PPFIBP1: variants seen among roughly 807,000 people sequenced by gnomAD.
PPFIBP1 encodes PPFIB scaffold protein 1.
In PPFIBP1, 112 loss-of-function variants were observed where a neutral mutation model predicts 137.8. The observed-to-expected ratio is 0.81, with a 90% CI of 0.70 to 0.95. The LOEUF is 0.95. PPFIBP1 is among the 40% of genes least tolerant of loss of function. The probability of loss-of-function intolerance (pLI) is 0.00; values close to 1 mark genes in which losing one functional copy is unlikely to be tolerated. For synonymous variants in PPFIBP1, 378 were observed against 417.3 expected, an observed-to-expected ratio of 0.91 and a Z score of 1.15; for missense variants, 1,083 against 1,196.6, an observed-to-expected ratio of 0.91 and a Z score of 1.40.
chr12:27,671,112 G>A (rs970242920), intron 13 of PPFIBP1, among the ~76,000 whole-genome samples: 4 of 151,434 alleles, frequency 2.6e-5, no homozygotes, highest in Non-Finnish European at 4.4e-5. Flanking sequence ...AGACCATTCT[G>A]GGCAACATAG....
At chr12:27,628,119 G>C (rs2056982390) in intron 2 of PPFIBP1, among the ~76,000 whole-genome samples, 2 of 152,112 alleles carry the variant, frequency 1.3e-5, no homozygotes, top group South Asian at 4.1e-4. Context: ...TAGCCACTTA[G>C]AATCCAGAAA....
chr12:27,675,567 A>G (rs1471823026), intron 17 of PPFIBP1, among the ~76,000 whole-genome samples: 2 of 152,234 alleles, frequency 1.3e-5, no homozygotes, highest in Non-Finnish European at 2.9e-5. Context: ...AGACAAAAGT[A>G]TCTTTGTATA....
chr12:27,623,657 G>A (rs956615649), intron 2 of PPFIBP1, among the ~76,000 whole-genome samples: 19 of 152,102 alleles, frequency 1.2e-4, no homozygotes, highest in African/African-American at 4.1e-4. Flanking sequence ...GCAGTGAGCC[G>A]CGATCATGCC....
At chr12:27,683,263 G>A (rs1441365187) in intron 24 of PPFIBP1, among the ~76,000 whole-genome samples, 4 of 151,996 alleles carry the variant, frequency 2.6e-5, no homozygotes, top group African/African-American at 7.3e-5. Flanking sequence ...ACGGAGTTTC[G>A]CCATGTTGGC....
In PPFIBP1 at chr12:27,656,743, A is replaced by G. The variant is rs2059224083; in HGVS notation, c.811+13A>G. On this transcript the variant is annotated intron_variant, in intron 9 of 29. Coordinates refer to ENST00000228425, the MANE Select transcript of PPFIBP1 (RefSeq NM_003622.4). ...ATTGTTGATAGAGGTAAGAAGATAT[A>G]TTTCACATTTATCATCTCATTTTGT... is the stretch of plus-strand genomic sequence containing the variant. 5.3e-6 allele frequency: 8 copies of G among 1,503,770 alleles called. No homozygotes were observed. The highest frequency in any genetic ancestry group is 7.4e-6 in the Non-Finnish European group (8 of 1,083,762). 93.2% of individuals were successfully genotyped at this position (1,503,770 alleles called of 1,614,324 possible).
intron 9 of PPFIBP1, among the ~76,000 whole-genome samples, chr12:27,657,710 G>C (rs1266333317): frequency 6.6e-6 from 1 of 151,848 alleles, no homozygotes; most frequent in Non-Finnish European, 1.5e-5. Context: ...ACCACCAACC[G>C]CTTCACCGCC....
intron 1 of PPFIBP1, among the ~76,000 whole-genome samples, chr12:27,536,423 C>T (rs1172889191): frequency 2.0e-5 from 3 of 152,118 alleles, no homozygotes; most frequent in Admixed American, 1.3e-4. Flanking sequence ...AGGAAGCTTC[C>T]GATCATGGCA....
chr12:27,656,567 T>C (rs2059212494), intron 8 of PPFIBP1, 49 bp from the exon 9 acceptor site: 1 of 1,146,608 alleles, frequency 8.7e-7, no homozygotes, highest in East Asian at 2.4e-5. Flanking sequence ...CTCTGAATGT[T>C]CCTTTTCAGT....
intron 5 of PPFIBP1, among the ~76,000 whole-genome samples, chr12:27,647,430 G>T (rs1436777360): frequency 6.6e-6 from 1 of 152,126 alleles, no homozygotes; most frequent in Non-Finnish European, 1.5e-5. Flanking sequence ...CCCCTAAAAA[G>T]ATAACTTCTG....
intron 2 of PPFIBP1, among the ~76,000 whole-genome samples, chr12:27,615,105 T>C (rs1396686832): frequency 6.6e-6 from 1 of 152,180 alleles, no homozygotes; most frequent in East Asian, 1.9e-4. Context: ...GTTCTGAGCT[T>C]GGGCTGCTCA....
chr12:27,582,816 A>T (rs2051279745), intron 2 of PPFIBP1, among the ~76,000 whole-genome samples: 1 of 152,236 alleles, frequency 6.6e-6, no homozygotes, highest in African/African-American at 2.4e-5. Context: ...GTTTCTTGTG[A>T]CTATTACCTT....
chr12:27,651,141 A>G (rs949329004), intron 7 of PPFIBP1, among the ~76,000 whole-genome samples: 1 of 152,230 alleles, frequency 6.6e-6, no homozygotes. Context: ...TATTGGAAAT[A>G]ACAAGTTTTA....
intron 1 of PPFIBP1, among the ~76,000 whole-genome samples, chr12:27,556,929 A>C (rs1383594147): frequency 7.0e-6 from 1 of 143,738 alleles, no homozygotes; most frequent in Non-Finnish European, 1.5e-5. Flanking sequence ...TAAGCTTCCT[A>C]AAATCTCAAT....
At chr12:27,576,235 C>G (rs1346128314) in intron 1 of PPFIBP1, among the ~76,000 whole-genome samples, 1 of 151,704 alleles carries the variant, frequency 6.6e-6, no homozygotes, top group Admixed American at 6.6e-5. Context: ...TCTTTTTAAA[C>G]TATTCTACTA....
chr12:27,625,231 T>C (rs1420693411), intron 2 of PPFIBP1, among the ~76,000 whole-genome samples: 1 of 152,132 alleles, frequency 6.6e-6, no homozygotes, highest in African/African-American at 2.4e-5. Flanking sequence ...GCCTGGGCGA[T>C]AAAATGAGAC....
At chr12:27,624,249 C>T (rs1171412023) in intron 2 of PPFIBP1, among the ~76,000 whole-genome samples, 4 of 152,120 alleles carry the variant, frequency 2.6e-5, no homozygotes, top group Admixed American at 2.6e-4. Context: ...TATGTGGGAA[C>T]AATATGGCTT....
intron 8 of PPFIBP1, 121 bp downstream of exon 8, chr12:27,654,935 A>T (rs1297226765): frequency 6.3e-6 from 9 of 1,420,540 alleles, no homozygotes; most frequent in Non-Finnish European, 8.4e-6. Context: ...TTAAAAGTAA[A>T]TGAAGATTTC....
At chr12:27,579,757 T>A (rs2050906410) in intron 2 of PPFIBP1, among the ~76,000 whole-genome samples, 1 of 152,226 alleles carries the variant, frequency 6.6e-6, no homozygotes, top group South Asian at 2.1e-4. Context: ...GGTACTAAAG[T>A]CATTTTAATT....
At chr12:27,615,848 C>T (rs535516065) in intron 2 of PPFIBP1, among the ~76,000 whole-genome samples, 2 of 152,092 alleles carry the variant, frequency 1.3e-5, no homozygotes, top group Non-Finnish European at 2.9e-5. Flanking sequence ...ATCCTGGTGG[C>T]CTCAGCTGAG....
Sources: gnomAD v4.1 joint callset for allele counts (sites outside exome capture counted in the v4.1 genomes callset) on GRCh38, gnomAD v4.1.1 for gene constraint, MANE v1.5 for transcripts, NCBI Gene and HGNC (gene_info 2026-07-23, HGNC 2026-07-21) for gene names.